Variants in MYO18A observed in about 807,000 individuals in gnomAD.
MYO18A encodes unconventional myosin-XVIIIa.
A neutral mutation model predicts 235.8 loss-of-function variants in MYO18A; 78 were observed. The ratio of observed to expected loss-of-function variants is 0.33; its 90% CI spans 0.28 to 0.40. The LOEUF (loss-of-function observed/expected upper bound fraction) is 0.40, where lower values mean the gene tolerates loss of function less well. Among genes scored for constraint, MYO18A ranks in the 10% least tolerant of loss-of-function variants. MYO18A has a pLI of 1.00. For synonymous variants in MYO18A, 977 were observed against 1,077.8 expected (o/e 0.91, Z 1.83); for missense variants, 2,215 against 2,699.3 (o/e 0.82, Z 3.98).
At chr17:29,172,135 C>T (rs2068419422) in intron 1 of MYO18A, among the ~76,000 whole-genome samples, 1 of 149,810 alleles carries the variant, frequency 6.7e-6, no homozygotes, top group Non-Finnish European at 1.5e-5. Flanking sequence ...AGCCCAGTGT[C>T]AGAGCTCAGG....
In MYO18A at chr17:29,116,448, A is replaced by C. The variant is rs764117695; in HGVS notation, c.2046T>G (p.Ala682=). 2 of 1,614,018 alleles carry C rather than the reference A, an allele frequency of 1.2e-6. No individual in the cohort carries two copies. Among genetic ancestry groups the C allele is most frequent in the East Asian group, 4.5e-5 (2 of 44,882 alleles). The change falls in exon 11 of 42, where the codon GCT becomes GCG. Residue 682 remains alanine, a synonymous_variant. Coordinates refer to ENST00000527372, the MANE Select transcript of MYO18A (RefSeq NM_078471.4). ...LGAAGATKEA[A]EAGRKQFARH... The stretch of plus-strand genomic sequence containing the variant: ...TAACAAGAAACAAGGTTTTACCTTC[A>C]GCAGCTTCTGTAAGGCAAAGGACCA...
In MYO18A at chr17:29,121,611, G is replaced by A. The variant is rs748547479; in HGVS notation, c.1307C>T (p.Thr436Met). ...AACCAGCAGGCTGGGGCCAGCATACGTGTGCAGCAGGCTAGCGCCATAGCG... is the reference window on the plus strand; with the variant it reads ...AACCAGCAGGCTGGGGCCAGCATACATGTGCAGCAGGCTAGCGCCATAGCG... ...RQRYGASLLH[T>M]YAGPSLLVLG... The change falls in exon 5 of 42, where the codon ACG (threonine) becomes ATG (methionine). Residue 436 changes from threonine (T) to methionine (M), a missense_variant. Physicochemically the swap from Thr to Met is moderately conservative, Grantham distance 81. Transcript: ENST00000527372. This position sits in a 1 kb window ranked among gnomAD's most constrained non-coding sequence, Gnocchi z 4.2. The A allele has an allele frequency of 1.6e-5, 26 of 1,594,354 alleles. No homozygotes were observed. Among genetic ancestry groups the A allele is most frequent in the Non-Finnish European group, 1.8e-5 (21 of 1,170,938 alleles).
chr17:29,113,025 C>G (rs969382364), intron 15 of MYO18A, among the ~76,000 whole-genome samples: 3 of 152,198 alleles, frequency 2.0e-5, no homozygotes, highest in Admixed American at 1.3e-4. Context: ...AAAGGAGAGC[C>G]AAGCTCTTCC....
chr17:29,118,522 T>C lies in MYO18A; in HGVS notation c.1830-82A>G. On this transcript the variant is annotated intron_variant, in intron 8 of 41. Coordinates refer to ENST00000527372, the MANE Select transcript of MYO18A (RefSeq NM_078471.4). This position sits in a 1 kb window ranked among gnomAD's most constrained non-coding sequence, Gnocchi z 4.2. ...CCGCCCAGGGTGGAGACAGACAGAC[T>C]CAGCTTCCAGACTCCAAGTTTTGTC... 1 of 1,301,794 alleles carries C rather than the reference T, an allele frequency of 7.7e-7. No homozygotes were observed. The highest frequency in any genetic ancestry group is 1.3e-5 in the South Asian group (1 of 76,396). 80.6% of individuals were successfully genotyped at this position (1,301,794 alleles called of 1,614,324 possible).
At chr17:29,094,615 C>T (rs2152767597) in intron 30 of MYO18A, 35 bp downstream of exon 30, 1 of 1,609,880 alleles carries the variant, frequency 6.2e-7, no homozygotes. Context: ...GGCCTCGCTG[C>T]ACCTCACCTC....
At chr17:29,104,677 G>A (rs140171401) in intron 20 of MYO18A, among the ~76,000 whole-genome samples, 2 of 152,096 alleles carry the variant, frequency 1.3e-5, no homozygotes, top group East Asian at 3.9e-4. Flanking sequence ...CCAGGAAGAG[G>A]GTGCAGAATA....
Position 29,094,933 on chromosome 17 carries a change from C to T in MYO18A, c.4509+3G>A, listed in dbSNP as rs2066485278. 6.2e-7 allele frequency: 1 copy of T among 1,610,266 alleles called. No individual in the cohort carries two copies. The highest frequency in any genetic ancestry group is 1.3e-5 in the African/African-American group (1 of 74,850). On this transcript the variant is annotated splice_donor_region_variant and intron_variant, in intron 29 of 41. Transcript: ENST00000527372. ...GGCACAGATGGTGGGTGGCCCTACCCACCTCTAGTTGCTGCTTCAGGCTGA... is the reference window on the plus strand; with the variant it reads ...GGCACAGATGGTGGGTGGCCCTACCTACCTCTAGTTGCTGCTTCAGGCTGA...
intron 2 of MYO18A, among the ~76,000 whole-genome samples, chr17:29,164,963 A>G (rs546952747): frequency 9.2e-5 from 14 of 152,328 alleles, no homozygotes; most frequent in South Asian, 4.1e-4. Flanking sequence ...GAGAGGTAAT[A>G]AAGACTCTTG....
rs770450058 is a variant in MYO18A at position 29,116,411 on chromosome 17, A to G, written c.2050+33T>C. The G allele has an allele frequency of 5.0e-6, 8 of 1,613,798 alleles. No homozygotes were observed. The East Asian group carries it at 8.9e-5, about 18-fold the overall frequency. ...AGCCAACATGTGTCTAATCACGGCA[A>G]TTAGGGAAAGCTAACAAGAAACAAG... On this transcript the variant is annotated intron_variant, in intron 11 of 41. Transcript: ENST00000527372.
chr17:29,149,044 C>T (rs1242194466), intron 2 of MYO18A, among the ~76,000 whole-genome samples: 2 of 152,204 alleles, frequency 1.3e-5, no homozygotes, highest in East Asian at 1.9e-4. Context: ...GGGTGGCAGC[C>T]CCCTTCTCAT....
Position 29,107,363 on chromosome 17 carries a change from A to G in MYO18A, c.3332-174T>C. On this transcript the variant is annotated intron_variant, in intron 19 of 41. Transcript: ENST00000527372. ...AAAGGAGAGGGGGTAGGCAGGGAAG[A>G]GGAAGAGAAGGTCAGGAGGACAATC... The G allele has an allele frequency of 1.9e-5, 12 of 620,580 alleles. No individual in the cohort carries two copies. In the South Asian group the frequency reaches 2.3e-4, roughly 12 times the overall value. 38.4% of individuals were successfully genotyped at this position (620,580 alleles called of 1,614,324 possible). A position where few individuals can be genotyped will look rare whatever the true frequency, so the allele number is the denominator to read the frequency against.
intron 1 of MYO18A, among the ~76,000 whole-genome samples, chr17:29,173,911 A>G (rs1172265122): frequency 6.6e-6 from 1 of 152,114 alleles, no homozygotes; most frequent in Non-Finnish European, 1.5e-5. Context: ...AGCTGTGACT[A>G]CAGGTGTGCG....
At chr17:29,091,233 C>T in intron 34 of MYO18A, 1 of 357,532 alleles carries the variant, frequency 2.8e-6, no homozygotes, top group Admixed American at 4.1e-5. Flanking sequence ...AATGACCCAT[C>T]ATCCTGGCAC....
chr17:29,087,295 G>A (rs2066280070), intron 37 of MYO18A, among the ~76,000 whole-genome samples, 174 bp from the exon 38 acceptor site: 1 of 152,148 alleles, frequency 6.6e-6, no homozygotes, highest in South Asian at 2.1e-4. Flanking sequence ...TAAAATGTGG[G>A]GAGAATAACA....
intron 2 of MYO18A, among the ~76,000 whole-genome samples, chr17:29,150,801 A>G (rs1004787005): frequency 6.6e-6 from 1 of 152,200 alleles, no homozygotes; most frequent in African/African-American, 2.4e-5. Flanking sequence ...GAAAGACCCT[A>G]TAGAGGATCC....
Position 29,130,319 on chromosome 17 carries a change from A to G in MYO18A, c.1000-8066T>C, listed in dbSNP as rs572689378. 1.9e-3 allele frequency among the ~76,000 whole-genome samples: 285 copies of G among 150,942 alleles called. 1 individual carries two copies. Among genetic ancestry groups the G allele is most frequent in the African/African-American group, 6.5e-3 (267 of 40,974 alleles). ...TGTCTCAAAAAAAAAAAAAAAAAAA[A>G]AAAAGAAAAGAAAATGATGACAATG... On this transcript the variant is annotated intron_variant, in intron 2 of 41. Transcript: ENST00000527372.
chr17:29,103,340 A>G (rs1435156386), intron 21 of MYO18A, among the ~76,000 whole-genome samples: 1 of 152,232 alleles, frequency 6.6e-6, no homozygotes, highest in African/African-American at 2.4e-5. Flanking sequence ...GACATCACAG[A>G]GGTGTTCCAC....
chr17:29,097,991 C>G, intron 25 of MYO18A, 92 bp from the exon 26 acceptor site: 1 of 1,571,638 alleles, frequency 6.4e-7, no homozygotes, highest in East Asian at 2.2e-5. Flanking sequence ...TTACCAAGGG[C>G]AGACAGGGAT....
Position 29,118,505 on chromosome 17 carries a change from G to A in MYO18A, c.1830-65C>T, listed in dbSNP as rs2067126497. The A allele has an allele frequency of 1.4e-6, 2 of 1,441,904 alleles. No individual in the cohort carries two copies. The highest frequency in any genetic ancestry group is 2.8e-5 in the African/African-American group (2 of 71,314). 89.3% of individuals were successfully genotyped at this position (1,441,904 alleles called of 1,614,324 possible). On this transcript the variant is annotated intron_variant, in intron 8 of 41. Coordinates refer to ENST00000527372, the MANE Select transcript of MYO18A (RefSeq NM_078471.4). This position sits in a 1 kb window ranked among gnomAD's most constrained non-coding sequence, Gnocchi z 4.2. Reference sequence around the variant, plus strand: ...CCATGCCAAGGCCATTTCCGCCCAGGGTGGAGACAGACAGACTCAGCTTCC... The same window carrying A: ...CCATGCCAAGGCCATTTCCGCCCAGAGTGGAGACAGACAGACTCAGCTTCC...
Sources: allele counts gnomAD v4.1 joint callset (sites outside exome capture counted in the v4.1 genomes callset), GRCh38; gene constraint gnomAD v4.1.1; non-coding constraint Gnocchi (gnomAD v3.1); transcripts MANE v1.5; gene names NCBI Gene and HGNC (gene_info 2026-07-23, HGNC 2026-07-21).